Variants in CLRN1 observed in about 807,000 individuals in gnomAD.
The protein encoded by CLRN1 is clarin 1.
In CLRN1, 15 loss-of-function variants were observed where a neutral mutation model predicts 18.7. That is an observed-to-expected ratio of 0.80 (90% CI 0.54 to 1.23). The LOEUF (loss-of-function observed/expected upper bound fraction) is 1.23, where lower values mean the gene tolerates loss of function less well. Among genes scored for constraint, CLRN1 ranks in the 50% most tolerant of loss-of-function variants. The pLI is 0.00. For missense variants in CLRN1, 311 were observed against 277.5 expected, an observed-to-expected ratio of 1.12 and a Z score of -0.86; for synonymous variants, 104 against 102.9, an observed-to-expected ratio of 1.01 and a Z score of -0.07.
At chr3:150,956,599 GAGCTGAGTA>G (rs1368967079) in intron 1 of CLRN1, among the ~76,000 whole-genome samples, 1 of 152,154 alleles carries the variant, frequency 6.6e-6, no homozygotes, top group Non-Finnish European at 1.5e-5. Context: ...TTACGAAACA[GAGCTGAGTA>G]AGTCGTAAGT....
At chr3:150,960,743 T>C (rs543347572) in intron 1 of CLRN1, among the ~76,000 whole-genome samples, 198 of 152,306 alleles carry the variant, frequency 1.3e-3, no homozygotes, top group Non-Finnish European at 2.4e-3. Context: ...GCAGAGCCCT[T>C]CCACAGGAGA....
chr3:150,965,031 T>C (rs1715202009), intron 1 of CLRN1, among the ~76,000 whole-genome samples: 1 of 152,130 alleles, frequency 6.6e-6, no homozygotes, highest in Non-Finnish European at 1.5e-5. Context: ...CACATGTATT[T>C]CAGAATTTAA....
At chr3:150,959,454 C>A (rs2107978655) in intron 1 of CLRN1, among the ~76,000 whole-genome samples, 1 of 151,996 alleles carries the variant, frequency 6.6e-6, no homozygotes, top group East Asian at 1.9e-4. Context: ...CATGGTGAAA[C>A]CCCGTCTCTA....
chr3:150,936,260 A>G (rs188608555), intron 2 of CLRN1, among the ~76,000 whole-genome samples: 159 of 152,248 alleles, frequency 1.0e-3, no homozygotes, highest in African/African-American at 3.8e-3. Context: ...ATCTCATCCA[A>G]TTTTATTGCT....
chr3:150,961,664 A>C (rs1417354672), intron 1 of CLRN1, among the ~76,000 whole-genome samples: 2 of 152,188 alleles, frequency 1.3e-5, no homozygotes, highest in Non-Finnish European at 2.9e-5. Flanking sequence ...TTTTTAAAAA[A>C]GTATTTGGCC....
chr3:150,968,256 G>A (rs1465045032), intron 1 of CLRN1, among the ~76,000 whole-genome samples: 1 of 152,098 alleles, frequency 6.6e-6, no homozygotes, highest in Non-Finnish European at 1.5e-5. Flanking sequence ...CACACACACT[G>A]AGGCTCAAAA....
chr3:150,931,076 T>C (rs2107932580), intron 2 of CLRN1, among the ~76,000 whole-genome samples: 1 of 152,270 alleles, frequency 6.6e-6, no homozygotes, highest in South Asian at 2.1e-4. Context: ...CTCATAACCT[T>C]TCAGTGACTG....
intron 1 of CLRN1, among the ~76,000 whole-genome samples, chr3:150,942,819 A>G (rs1272370631): frequency 2.0e-5 from 3 of 152,060 alleles, no homozygotes; most frequent in African/African-American, 7.2e-5. Context: ...GATTGCTTTG[A>G]CCTCCTGAAT....
At chr3:150,939,070 G>T (rs1229753400) in intron 2 of CLRN1, among the ~76,000 whole-genome samples, 1 of 152,226 alleles carries the variant, frequency 6.6e-6, no homozygotes, top group African/African-American at 2.4e-5. Context: ...ATGAGCTGTT[G>T]TGTCTCACCT....
intron 1 of CLRN1, among the ~76,000 whole-genome samples, chr3:150,950,472 A>G (rs1436810439): frequency 1.3e-5 from 2 of 152,208 alleles, no homozygotes; most frequent in Non-Finnish European, 2.9e-5. Context: ...GAGAAAAACA[A>G]CCCCATTAAA....
chr3:150,944,631 G>A (rs992533430), intron 1 of CLRN1, among the ~76,000 whole-genome samples: 3 of 151,820 alleles, frequency 2.0e-5, no homozygotes, highest in Admixed American at 2.0e-4. Context: ...AGGCCGAGGC[G>A]AGTGGATCAC....
rs898132672 is a variant in CLRN1 at position 150,943,801 on chromosome 3, G to T, written c.254-2040C>A. 5 of 1,614,046 alleles carry T rather than the reference G, an allele frequency of 3.1e-6. No homozygotes were observed. In the African/African-American group the frequency reaches 6.7e-5, roughly 22 times the overall value. The stretch of plus-strand genomic sequence containing the variant: ...TTGTAACACACCCTCTGGGGCCCTG[G>T]GGTTGCAGGCACCCCTACCTGGTTG... On this transcript the variant is annotated intron_variant, in intron 1 of 2. Coordinates refer to ENST00000327047, the MANE Select transcript of CLRN1 (RefSeq NM_174878.3).
At chr3:150,963,234 A>G (rs1031075315) in intron 1 of CLRN1, among the ~76,000 whole-genome samples, 9 of 152,218 alleles carry the variant, frequency 5.9e-5, no homozygotes, top group African/African-American at 1.7e-4. Flanking sequence ...TACAAAATCA[A>G]TGTGCAAAAA....
At chr3:150,929,643 G>A (rs965202244) in intron 2 of CLRN1, among the ~76,000 whole-genome samples, 7 of 152,172 alleles carry the variant, frequency 4.6e-5, no homozygotes, top group African/African-American at 1.7e-4. Flanking sequence ...TTACTAATTG[G>A]TAGCTATTCA....
Position 150,926,590 on chromosome 3 carries a change from C to G in CLRN1, c.*1346G>C. On this transcript the variant is annotated 3_prime_UTR_variant, in exon 3 of 3. Coordinates refer to ENST00000327047, the MANE Select transcript of CLRN1 (RefSeq NM_174878.3). ...CCAGCATCTGGAAACTCGGTGTGTT[C>G]TGATGTCTGCTGGCGAATAGCGAAT... is the stretch of plus-strand genomic sequence containing the variant. 1 of 660,062 alleles carries G rather than the reference C, an allele frequency of 1.5e-6. No individual in the cohort carries two copies. The highest frequency in any genetic ancestry group is 1.6e-5 in the South Asian group (1 of 61,886). The allele number at this position is 660,062 out of a possible 1,614,324, so 40.9% of individuals were successfully genotyped here. A position where few individuals can be genotyped will look rare whatever the true frequency, so the allele number is the denominator to read the frequency against.
chr3:150,957,611 C>T (rs1299581866), intron 1 of CLRN1, among the ~76,000 whole-genome samples: 2 of 152,202 alleles, frequency 1.3e-5, no homozygotes, highest in African/African-American at 4.8e-5. Flanking sequence ...TCTCCCCTCT[C>T]TACCCATTCA....
chr3:150,947,324 A>G (rs939081861), intron 1 of CLRN1, among the ~76,000 whole-genome samples: 59 of 152,320 alleles, frequency 3.9e-4, no homozygotes, highest in Middle Eastern at 3.4e-3. Flanking sequence ...GCGTTACATA[A>G]TGGTAAAGGG....
At chr3:150,965,925 A>C (rs2107987379) in intron 1 of CLRN1, among the ~76,000 whole-genome samples, 1 of 152,350 alleles carries the variant, frequency 6.6e-6, no homozygotes, top group South Asian at 2.1e-4. Flanking sequence ...TTTCTGGATT[A>C]GGTAGGCAGA....
intron 1 of CLRN1, among the ~76,000 whole-genome samples, chr3:150,950,608 A>G (rs1009640376): frequency 3.3e-5 from 5 of 152,218 alleles, no homozygotes; most frequent in Non-Finnish European, 5.9e-5. Context: ...ATGAAATACC[A>G]TCACACTAAT....
Sources: allele counts gnomAD v4.1 joint callset (sites outside exome capture counted in the v4.1 genomes callset), GRCh38; gene constraint gnomAD v4.1.1; transcripts MANE v1.5; gene names NCBI Gene and HGNC (gene_info 2026-07-23, HGNC 2026-07-21).